Variants in DNAJC13 observed in about 807,000 individuals in gnomAD.
DNAJC13 encodes DnaJ heat shock protein family (Hsp40) member C13.
In DNAJC13, 75 loss-of-function variants were observed where a neutral mutation model predicts 290.5. The observed-to-expected ratio is 0.26, with a 90% CI of 0.21 to 0.31. DNAJC13 has a LOEUF of 0.31. Among genes scored for constraint, DNAJC13 ranks in the 10% least tolerant of loss-of-function variants. The pLI, the probability that DNAJC13 is intolerant of heterozygous loss-of-function variation, is 1.00. For synonymous variants in DNAJC13, 862 were observed against 892.0 expected, an observed-to-expected ratio of 0.97 and a Z score of 0.60; for missense variants, 2,260 against 2,674.5, an observed-to-expected ratio of 0.85 and a Z score of 3.42.
intron 20 of DNAJC13, among the ~76,000 whole-genome samples, chr3:132,472,857 A>G (rs757005647): frequency 6.6e-6 from 1 of 152,226 alleles, no homozygotes; most frequent in African/African-American, 2.4e-5. Flanking sequence ...TTTAAATTTT[A>G]TTAATCACTG....
intron 5 of DNAJC13, among the ~76,000 whole-genome samples, chr3:132,448,197 A>C (rs1045913297): frequency 8.5e-5 from 13 of 152,334 alleles, no homozygotes; most frequent in African/African-American, 2.6e-4. Context: ...GCAACACTAT[A>C]AGCATTCAGG....
chr3:132,466,919 T>G (rs1445766397), intron 19 of DNAJC13, among the ~76,000 whole-genome samples: 1 of 152,210 alleles, frequency 6.6e-6, no homozygotes. Context: ...CTGTCATCAC[T>G]CCTTCTCTGT....
intron 2 of DNAJC13, among the ~76,000 whole-genome samples, chr3:132,441,869 A>G (rs10490862): frequency 0.1 from 15,969 of 152,116 alleles, 1,021 homozygotes; most frequent in South Asian, 0.17. Context: ...TTTGAATTAG[A>G]TAACTAGTAA....
intron 18 of DNAJC13, 96 bp from the exon 19 acceptor site, chr3:132,466,203 A>G: frequency 1.4e-6 from 2 of 1,435,638 alleles, no homozygotes; most frequent in Non-Finnish European, 9.6e-7. Context: ...GTAAAGTTTT[A>G]CCCTCAATAG....
intron 35 of DNAJC13, among the ~76,000 whole-genome samples, chr3:132,496,270 C>T (rs1935232030): frequency 1.3e-5 from 2 of 151,994 alleles, no homozygotes; most frequent in Non-Finnish European, 2.9e-5. Context: ...ATGAGTTTAA[C>T]ATGATGTATT....
intron 36 of DNAJC13, 22 bp from the exon 37 acceptor site, chr3:132,499,104 C>A (rs1426256972): frequency 6.5e-7 from 1 of 1,539,124 alleles, no homozygotes; most frequent in Non-Finnish European, 8.8e-7. Context: ...GTTTTTCTAA[C>A]ACTAACCATT....
At chr3:132,492,315 A>G in intron 32 of DNAJC13, 99 bp from the exon 33 acceptor site, 3 of 1,210,614 alleles carry the variant, frequency 2.5e-6, no homozygotes, top group African/African-American at 1.5e-5. Context: ...GAGTTATTCT[A>G]TAGATGATTC....
intron 32 of DNAJC13, among the ~76,000 whole-genome samples, chr3:132,491,984 G>T (rs962429838): frequency 1.3e-5 from 2 of 152,080 alleles, no homozygotes; most frequent in African/African-American, 4.8e-5. Context: ...TCTAAAAGAC[G>T]AATTGCTCTA....
chr3:132,426,631 C>G (rs1315136308), intron 1 of DNAJC13, among the ~76,000 whole-genome samples: 1 of 152,082 alleles, frequency 6.6e-6, no homozygotes, highest in Non-Finnish European at 1.5e-5. Context: ...ACTTGAGCTT[C>G]TGATACTAGA....
At chr3:132,419,352 A>C (rs910725899) in intron 1 of DNAJC13, among the ~76,000 whole-genome samples, 1 of 152,132 alleles carries the variant, frequency 6.6e-6, no homozygotes, top group Non-Finnish European at 1.5e-5. Context: ...TTAATGTTAT[A>C]TATTGTTAAC....
intron 2 of DNAJC13, among the ~76,000 whole-genome samples, chr3:132,442,510 A>G (rs1376255885): frequency 6.6e-6 from 1 of 152,214 alleles, no homozygotes; most frequent in Non-Finnish European, 1.5e-5. Flanking sequence ...TTTCCTGTTC[A>G]GATGATCTTA....
At chr3:132,508,765 T>C (rs1045538448) in intron 43 of DNAJC13, among the ~76,000 whole-genome samples, 5 of 152,180 alleles carry the variant, frequency 3.3e-5, no homozygotes, top group Non-Finnish European at 7.4e-5. Context: ...AAACAAAAGT[T>C]GAAATTATTT....
rs751428770 is a variant in DNAJC13, at chr3:132,447,962, G to A, written c.336+23G>A. 2.2e-5 allele frequency: 32 copies of A among 1,437,670 alleles called. No homozygotes were observed. The Admixed American group carries it at 5.4e-4, about 24-fold the overall frequency. 89.1% of individuals were successfully genotyped at this position (1,437,670 alleles called of 1,614,324 possible). ...AGGGTAAATATTTAACATTTATTAT[G>A]TATTTTTATTTGTTCAAATGTTGCC... On this transcript the variant is annotated intron_variant, in intron 5 of 55. Coordinates refer to ENST00000260818, the MANE Select transcript of DNAJC13 (RefSeq NM_015268.4).
intron 9 of DNAJC13, among the ~76,000 whole-genome samples, chr3:132,454,416 G>T (rs750735234): frequency 3.4e-5 from 5 of 147,740 alleles, no homozygotes; most frequent in Non-Finnish European, 4.4e-5. Flanking sequence ...CCATCTCCCG[G>T]GTTCAAGCAA....
Position 132,531,001 on chromosome 3 carries a change from A to T in DNAJC13, c.6529A>T (p.Asn2177Tyr). Residue 2177 changes from asparagine (N) to tyrosine (Y), a missense_variant, in exon 55 of 56, where the codon AAT (asparagine) becomes TAT (tyrosine). Asn to Tyr is a moderately radical substitution (Grantham distance 143, BLOSUM62 -2). Transcript: ENST00000260818. ...TRSLQYGEQV[N>Y]EILCRSSVWS... ...AGGGCTTGTTTTACTTTCCTAGGTG[A>T]ATGAAATCCTGTGCCGTTCTTCAGT... The T allele has an allele frequency of 1.2e-6, 2 of 1,613,780 alleles. No individual in the cohort carries two copies. Among genetic ancestry groups the T allele is most frequent in the Non-Finnish European group, 1.7e-6 (2 of 1,179,694 alleles).
chr3:132,484,464 G>C (rs926161232), intron 28 of DNAJC13, 124 bp from the exon 29 acceptor site: 10 of 781,342 alleles, frequency 1.3e-5, no homozygotes, highest in Admixed American at 1.3e-4. Context: ...AGCTGTATGA[G>C]AGCTTAGTCT....
At chr3:132,503,644 C>T (rs1162073652) in intron 41 of DNAJC13, among the ~76,000 whole-genome samples, 1 of 152,120 alleles carries the variant, frequency 6.6e-6, no homozygotes, top group African/African-American at 2.4e-5. Context: ...CACAAAGGGA[C>T]AGGACGAGAG....
At chr3:132,468,502 AT>A (rs906650026) in intron 20 of DNAJC13, among the ~76,000 whole-genome samples, 5 of 152,244 alleles carry the variant, frequency 3.3e-5, no homozygotes, top group African/African-American at 9.6e-5. Context: ...TATATTCAAT[AT>A]AAAGAATCAT....
chr3:132,527,201 C>T (rs752920192), intron 53 of DNAJC13, among the ~76,000 whole-genome samples: 36 of 152,122 alleles, frequency 2.4e-4, no homozygotes, highest in Non-Finnish European at 3.8e-4. Context: ...CCCATAAATA[C>T]ATACAATAAA....
Sources: gnomAD v4.1 joint callset for allele counts (sites outside exome capture counted in the v4.1 genomes callset) on GRCh38, gnomAD v4.1.1 for gene constraint, MANE v1.5 for transcripts, NCBI Gene and HGNC (gene_info 2026-07-23, HGNC 2026-07-21) for gene names.